Variants in TBC1D16 observed in about 807,000 individuals in gnomAD.
TBC1D16 encodes TBC1 domain family member 16.
TBC1D16 carries 58 observed loss-of-function variants against 74.7 expected under a neutral mutation model. The ratio of observed to expected loss-of-function variants is 0.78; its 90% CI spans 0.63 to 0.97. The LOEUF (loss-of-function observed/expected upper bound fraction) is 0.97, where lower values mean the gene tolerates loss of function less well. Among genes scored for constraint, TBC1D16 ranks in the 50% least tolerant of loss-of-function variants. The pLI, the probability that TBC1D16 is intolerant of heterozygous loss-of-function variation, is 0.00. For synonymous variants in TBC1D16, 493 were observed against 474.7 expected (o/e 1.04, Z -0.50); for missense variants, 1,014 against 1,079.5 (o/e 0.94, Z 0.85).
chr17:80,018,178 C>CAA (rs535459874), intron 1 of TBC1D16, among the ~76,000 whole-genome samples: 13 of 86,120 alleles, frequency 1.5e-4, no homozygotes, highest in Non-Finnish European at 2.2e-4. Context: ...TTCTGGTAAG[C>CAA]AAAAAAAAAA....
intron 1 of TBC1D16, among the ~76,000 whole-genome samples, chr17:80,032,243 C>A (rs1327866018): frequency 6.6e-6 from 1 of 152,206 alleles, no homozygotes; most frequent in East Asian, 1.9e-4. Context: ...CACATCTCAG[C>A]GTCTGCAGCC....
Position 79,935,457 on chromosome 17 carries a change from C to T in TBC1D16, c.*5402G>A, listed in dbSNP as rs2031526055. 6.6e-6 allele frequency: 1 copy of T among 152,280 alleles called. No individual in the cohort carries two copies. Among genetic ancestry groups the T allele is most frequent in the Admixed American group, 6.5e-5 (1 of 15,290 alleles). 9.4% of individuals were successfully genotyped at this position (152,280 alleles called of 1,614,324 possible). A position where few individuals can be genotyped will look rare whatever the true frequency, so the allele number is the denominator to read the frequency against. On this transcript the variant is annotated 3_prime_UTR_variant, in exon 12 of 12. Transcript: ENST00000310924. The stretch of plus-strand genomic sequence containing the variant: ...CAGTCCCCACAGCCCCCATCCAGCT[C>T]TCTTTTACACCTTCCCCTCCCCCAT...
At chr17:80,021,324 G>A (rs2036273985) in intron 1 of TBC1D16, among the ~76,000 whole-genome samples, 1 of 148,212 alleles carries the variant, frequency 6.7e-6, no homozygotes, top group African/African-American at 2.6e-5. Flanking sequence ...ATTAGCTGGG[G>A]GTGGTGGTGT....
chr17:80,013,634 G>A, intron 1 of TBC1D16, 25 bp from the exon 2 acceptor site: 1 of 1,375,486 alleles, frequency 7.3e-7, no homozygotes, highest in Non-Finnish European at 9.7e-7. Flanking sequence ...GAGAGGAGAT[G>A]GTCAAGGTTG....
In TBC1D16 at chr17:79,950,902, A is replaced by T. The variant is rs1340090582; in HGVS notation, c.1090-324T>A. 1 of 1,444,066 alleles carries T rather than the reference A, an allele frequency of 6.9e-7. No individual in the cohort carries two copies. Among genetic ancestry groups the T allele is most frequent in the Non-Finnish European group, 9.2e-7 (1 of 1,084,376 alleles). 89.5% of individuals were successfully genotyped at this position (1,444,066 alleles called of 1,614,324 possible). On this transcript the variant is annotated intron_variant, in intron 5 of 11. Coordinates refer to ENST00000310924, the MANE Select transcript of TBC1D16 (RefSeq NM_019020.4). The surrounding 1 kb of genome is among the most constrained non-coding windows in gnomAD (Gnocchi z 4.6). ...CCCTCTGCCGGGAGGGCCTGCAATG[A>T]ATTACATGTGATTGGCCACATACAA...
At chr17:79,967,559 C>G (rs1317683137) in intron 3 of TBC1D16, among the ~76,000 whole-genome samples, 7 of 152,162 alleles carry the variant, frequency 4.6e-5, no homozygotes, top group Non-Finnish European at 1.0e-4. Flanking sequence ...AAGTACAAGA[C>G]TTGTGTACTT....
At chr17:79,953,451 CT>C (rs2033178785) in intron 3 of TBC1D16, among the ~76,000 whole-genome samples, 1 of 152,202 alleles carries the variant, frequency 6.6e-6, no homozygotes, top group African/African-American at 2.4e-5. Context: ...TGCAATTAAT[CT>C]TCACAAAAAT....
chr17:79,993,161 C>T lies in TBC1D16; in HGVS notation c.779+16999G>A, dbSNP rs551434500. 7.9e-5 allele frequency among the ~76,000 whole-genome samples: 12 copies of T among 152,358 alleles called. No individual in the cohort carries two copies. The East Asian group carries it at 2.1e-3, about 27-fold the overall frequency. On this transcript the variant is annotated intron_variant, in intron 3 of 11. Coordinates refer to ENST00000310924, the MANE Select transcript of TBC1D16 (RefSeq NM_019020.4). The surrounding 1 kb of genome is among the most constrained non-coding windows in gnomAD (Gnocchi z 5.1). Reference sequence around the variant, plus strand: ...ATGAGGGTAATAACCCACCAGCACACAGCCAGGCAGAGCTGGGATGTGGCC... The same window carrying T: ...ATGAGGGTAATAACCCACCAGCACATAGCCAGGCAGAGCTGGGATGTGGCC...
At chr17:79,973,294 T>C (rs1483468302) in intron 3 of TBC1D16, among the ~76,000 whole-genome samples, 1 of 152,136 alleles carries the variant, frequency 6.6e-6, no homozygotes, top group Non-Finnish European at 1.5e-5. Flanking sequence ...TAGAAGTGGC[T>C]GGGCGCGGTG....
intron 3 of TBC1D16, among the ~76,000 whole-genome samples, chr17:79,972,036 G>T (rs1162731666): frequency 6.6e-6 from 1 of 152,228 alleles, no homozygotes; most frequent in African/African-American, 2.4e-5. Context: ...ACAGGTATGT[G>T]TACCCCGTGT....
At chr17:80,024,547 ACACACACAC>A (rs2036454071) in intron 1 of TBC1D16, among the ~76,000 whole-genome samples, 4 of 99,352 alleles carry the variant, frequency 4.0e-5, no homozygotes, top group Admixed American at 9.7e-5. Flanking sequence ...CACACCATAT[ACACACACAC>A]CACACACGAC....
chr17:80,004,373 A>G (rs2035598730), intron 3 of TBC1D16, among the ~76,000 whole-genome samples: 1 of 152,330 alleles, frequency 6.6e-6, no homozygotes, highest in South Asian at 2.1e-4. Flanking sequence ...TGCATGGACC[A>G]TTTGACAGTC....
chr17:79,979,317 A>G lies in TBC1D16; in HGVS notation c.780-26499T>C, dbSNP rs962239405. On this transcript the variant is annotated intron_variant, in intron 3 of 11. Coordinates refer to ENST00000310924, the MANE Select transcript of TBC1D16 (RefSeq NM_019020.4). This position sits in a 1 kb window ranked among gnomAD's most constrained non-coding sequence, Gnocchi z 4.8. Reference sequence around the variant, plus strand: ...GGACGCACACCCACGCCCAGAGCACACACGCTCCAGGGATGCACACCCACG... The same window carrying G: ...GGACGCACACCCACGCCCAGAGCACGCACGCTCCAGGGATGCACACCCACG... Among the ~76,000 whole-genome samples the G allele has an allele frequency of 1.3e-5, 2 of 151,310 alleles. No homozygotes were observed. Among genetic ancestry groups the G allele is most frequent in the Non-Finnish European group, 2.9e-5 (2 of 67,838 alleles).
rs1400643064 is a variant in TBC1D16 at position 80,000,004 on chromosome 17, C to T, written c.779+10156G>A. 6.6e-6 allele frequency among the ~76,000 whole-genome samples: 1 copy of T among 152,180 alleles called. No homozygotes were observed. Among genetic ancestry groups the T allele is most frequent in the African/African-American group, 2.4e-5 (1 of 41,428 alleles). ...AGGCTGGGCCATGAGGAGCAACTGA[C>T]ATGACAGAAACAAGGAGTTTCTCAG... On this transcript the variant is annotated intron_variant, in intron 3 of 11. Transcript: ENST00000310924. The surrounding 1 kb of genome is among the most constrained non-coding windows in gnomAD (Gnocchi z 4.1).
chr17:79,943,483 G>A lies in TBC1D16; in HGVS notation c.1909-1277C>T, dbSNP rs1176998947. Among the ~76,000 whole-genome samples, 3 of 152,140 alleles carry A rather than the reference G, an allele frequency of 2.0e-5. No individual in the cohort carries two copies. The East Asian group carries it at 5.8e-4, about 29-fold the overall frequency. On this transcript the variant is annotated intron_variant, in intron 10 of 11. Transcript: ENST00000310924. Reference sequence around the variant, plus strand: ...TAGCATCAAAAGCCTTTCTCGCTCAGGGGTCACTGAACAGTTAAAGGCCTC... The same window carrying A: ...TAGCATCAAAAGCCTTTCTCGCTCAAGGGTCACTGAACAGTTAAAGGCCTC...
intron 3 of TBC1D16, among the ~76,000 whole-genome samples, chr17:79,989,066 TACAAAC>T (rs1410438127): frequency 6.6e-6 from 1 of 152,208 alleles, no homozygotes; most frequent in Non-Finnish European, 1.5e-5. Flanking sequence ...TCGTCCAAGA[TACAAAC>T]ACAAACTCCC....
At chr17:80,024,991 C>A (rs2143269386) in intron 1 of TBC1D16, among the ~76,000 whole-genome samples, 2 of 48,880 alleles carry the variant, frequency 4.1e-5, no homozygotes, top group African/African-American at 8.3e-5. Context: ...ACACCACACT[C>A]TACACACACA....
At chr17:79,982,517 T>C (rs1302820978) in intron 3 of TBC1D16, among the ~76,000 whole-genome samples, 1 of 151,988 alleles carries the variant, frequency 6.6e-6, no homozygotes, top group Non-Finnish European at 1.5e-5. Context: ...ACACCGAACC[T>C]GTGTGTGCAC....
intron 1 of TBC1D16, among the ~76,000 whole-genome samples, chr17:80,021,885 CACAA>C (rs552154820): frequency 1.8e-4 from 27 of 150,374 alleles, no homozygotes; most frequent in East Asian, 9.7e-4. Context: ...CACCATGACA[CACAA>C]ACACACACCA....
Sources: allele counts gnomAD v4.1 joint callset (sites outside exome capture counted in the v4.1 genomes callset), GRCh38; gene constraint gnomAD v4.1.1; non-coding constraint Gnocchi (gnomAD v3.1); transcripts MANE v1.5; gene names NCBI Gene and HGNC (gene_info 2026-07-23, HGNC 2026-07-21).